USP31: variants seen among roughly 807,000 people sequenced by gnomAD.
USP31 encodes ubiquitin carboxyl-terminal hydrolase 31.
A neutral mutation model predicts 119.4 loss-of-function variants in USP31; 44 were observed. The observed-to-expected ratio is 0.37, with a 90% CI of 0.29 to 0.47. USP31 has a LOEUF of 0.47. Ranked by LOEUF, USP31 falls within the 20% of genes least tolerant of loss-of-function variation. The pLI is 0.99. For synonymous variants in USP31, 749 were observed against 705.6 expected (o/e 1.06, Z -0.97); for missense variants, 1,643 against 1,730.2 (o/e 0.95, Z 0.89).
chr16:23,107,117 A>C (rs1902141640), intron 2 of USP31, among the ~76,000 whole-genome samples: 1 of 152,070 alleles, frequency 6.6e-6, no homozygotes, highest in Non-Finnish European at 1.5e-5. Flanking sequence ...CGTCTCAAAA[A>C]AAAAAAAAAA....
rs773583110 is a variant in USP31 at position 23,073,792 on chromosome 16, C to T, written c.2265G>A (p.Gln755=). 1.9e-6 allele frequency: 3 copies of T among 1,614,152 alleles called. No homozygotes were observed. The South Asian group carries it at 3.3e-5, about 18-fold the overall frequency. ...TCTGGTAGAAGAGGATGTATGCTGT[C>T]TGCGTGCAGACCTCATCTTCTGACA... The part of the protein sequence containing the change: ...QQLSEDEVCT[Q]TAYILFYQRR... Residue 755 remains glutamine (Q), a synonymous_variant, in exon 14 of 16, where the codon CAG becomes CAA. Coordinates refer to ENST00000219689, the MANE Select transcript of USP31 (RefSeq NM_020718.4).
rs1297366955 is a variant in USP31 at position 23,068,344 on chromosome 16, G to T, written c.3761C>A (p.Ala1254Asp). The T allele has an allele frequency of 6.2e-7, 1 of 1,614,098 alleles. No homozygotes were observed. Among genetic ancestry groups the T allele is most frequent in the Non-Finnish European group, 8.5e-7 (1 of 1,180,050 alleles). The change falls in exon 16 of 16, where the codon GCT becomes GAT. Residue 1254 changes from alanine (A) to aspartate (D), a missense_variant. Around this residue, in one of 5 missense-constraint regions of USP31, gnomAD observed 699 missense variants for 650.9 expected, o/e 1.07. Coordinates refer to ENST00000219689, the MANE Select transcript of USP31 (RefSeq NM_020718.4). ...GACAGACTTAACAGAGCTCCCACCAGCCTTTTTAGAGAGCAAGGCTGTCTT... is the reference window on the plus strand; with the variant it reads ...GACAGACTTAACAGAGCTCCCACCATCCTTTTTAGAGAGCAAGGCTGTCTT... ...LGKTALLSKK[A>D]GGSSVKSVCK...
chr16:23,104,920 A>T (rs1382264960), intron 5 of USP31, among the ~76,000 whole-genome samples: 1 of 152,242 alleles, frequency 6.6e-6, no homozygotes, highest in Non-Finnish European at 1.5e-5. Context: ...CGGCATGGGC[A>T]CAACTTTCCT....
At chr16:23,081,714 C>G (rs1900836075) in intron 12 of USP31, among the ~76,000 whole-genome samples, 1 of 152,250 alleles carries the variant, frequency 6.6e-6, no homozygotes, top group Non-Finnish European at 1.5e-5. Flanking sequence ...CCCACGTCTT[C>G]CATCAACTCC....
rs1358504948 is a variant in USP31 at position 23,068,351 on chromosome 16, T to C, written c.3754A>G (p.Lys1252Glu). The C allele has an allele frequency of 6.2e-7, 1 of 1,614,090 alleles. No individual in the cohort carries two copies. Among genetic ancestry groups the C allele is most frequent in the Non-Finnish European group, 8.5e-7 (1 of 1,180,044 alleles). The change falls in exon 16 of 16, where the codon AAA (lysine) becomes GAA (glutamate). Residue 1252 changes from lysine to glutamate, a missense_variant. Physicochemically the swap from Lys to Glu is moderately conservative, Grantham distance 56. Transcript: ENST00000219689. Reference protein sequence around the residue: ...TDLGKTALLSKKAGGSSVKSV... With the variant: ...TDLGKTALLSEKAGGSSVKSV... ...TTAACAGAGCTCCCACCAGCCTTTT[T>C]AGAGAGCAAGGCTGTCTTGCCAAGA...
intron 8 of USP31, 81 bp from the exon 9 acceptor site, chr16:23,087,267 T>C: frequency 7.9e-7 from 1 of 1,258,702 alleles, no homozygotes; most frequent in Non-Finnish European, 1.1e-6. Context: ...CAAAACAGAT[T>C]AGAGTTACAG....
chr16:23,131,974 A>G (rs1195253058), intron 1 of USP31, among the ~76,000 whole-genome samples: 1 of 152,206 alleles, frequency 6.6e-6, no homozygotes, highest in Non-Finnish European at 1.5e-5. Context: ...AATCTTCTAA[A>G]GCGTCAACTG....
chr16:23,094,176 G>A lies in USP31; in HGVS notation c.1235-3372C>T, dbSNP rs111626233. ...TGCTTTTCCCAAGGTCTCAGCAACC[G>A]GCAGACAAGGAGATTCTCTCCCATG... On this transcript the variant is annotated intron_variant, in intron 6 of 15. Coordinates refer to ENST00000219689, the MANE Select transcript of USP31 (RefSeq NM_020718.4). 8.0e-3 allele frequency among the ~76,000 whole-genome samples: 1,214 copies of A among 152,174 alleles called. 12 individuals are homozygous for A. Among genetic ancestry groups the A allele is most frequent in the African/African-American group, 0.026 (1,096 of 41,510 alleles).
chr16:23,095,197 C>T (rs1901548214), intron 6 of USP31, among the ~76,000 whole-genome samples: 1 of 152,134 alleles, frequency 6.6e-6, no homozygotes, highest in Non-Finnish European at 1.5e-5. Flanking sequence ...CTTTGTGATG[C>T]ACGCACAAGC....
chr16:23,082,542 C>T lies in USP31; in HGVS notation c.1846G>A (p.Ala616Thr). ...TGCTTACAGTGTGGGCAACGCCAGG[C>T]ATCATCGGGGGCAAGCTGAAAACAG... Reference protein sequence around the residue: ...TKEERLAPDDAWRCPHCKQLQ... With the variant: ...TKEERLAPDDTWRCPHCKQLQ... Residue 616 changes from alanine (A) to threonine (T), a missense_variant, in exon 12 of 16, where the codon GCC becomes ACC. By Grantham distance (58) the Ala-to-Thr change is moderately conservative. This residue lies in a region of USP31 where 279 missense variants were observed against 372.2 expected (regional missense o/e 0.75). Coordinates refer to ENST00000219689, the MANE Select transcript of USP31 (RefSeq NM_020718.4). The T allele has an allele frequency of 6.2e-7, 1 of 1,614,156 alleles. No individual in the cohort carries two copies. Among genetic ancestry groups the T allele is most frequent in the Non-Finnish European group, 8.5e-7 (1 of 1,180,028 alleles).
Position 23,067,915 on chromosome 16 carries a change from A to ACT in USP31, c.*130_*131insAG. 2.3e-6 allele frequency: 2 copies of ACT among 860,244 alleles called. No individual in the cohort carries two copies. The highest frequency in any genetic ancestry group is 3.3e-6 in the Non-Finnish European group (2 of 611,006). 53.3% of individuals were successfully genotyped at this position (860,244 alleles called of 1,614,324 possible). ...ATTAGACACACACACGCATACACTCACACACACACACACAGTCGGGCACGT... is the reference window on the plus strand; with the variant it reads ...ATTAGACACACACACGCATACACTCACTCACACACACACACAGTCGGGCACGT... On this transcript the variant is annotated 3_prime_UTR_variant, in exon 16 of 16. Coordinates refer to ENST00000219689, the MANE Select transcript of USP31 (RefSeq NM_020718.4).
chr16:23,069,372 G>GC lies in USP31; in HGVS notation c.2732dup (p.Cys911TrpfsTer4). ...TAGAAAGGTTCCGCAAGCTACCAAA[G>GC]CAAGAGATGGAGACCTTGTCATCTG... On this transcript the variant is annotated frameshift_variant, in exon 16 of 16. Coordinates refer to ENST00000219689, the MANE Select transcript of USP31 (RefSeq NM_020718.4). LOFTEE classifies it high-confidence loss of function. 1 of 1,607,828 alleles carries GC rather than the reference G, an allele frequency of 6.2e-7. No individual in the cohort carries two copies. The highest frequency in any genetic ancestry group is 8.5e-7 in the Non-Finnish European group (1 of 1,175,364).
In USP31 at chr16:23,063,799, G is replaced by A. The variant is rs967033701; in HGVS notation, c.*4247C>T. The A allele has an allele frequency of 2.9e-4, 44 of 151,686 alleles. No homozygotes were observed. Among genetic ancestry groups the A allele is most frequent in the African/African-American group, 1.1e-3 (44 of 41,304 alleles). 9.4% of individuals were successfully genotyped at this position (151,686 alleles called of 1,614,324 possible). A position where few individuals can be genotyped will look rare whatever the true frequency, so the allele number is the denominator to read the frequency against. On this transcript the variant is annotated 3_prime_UTR_variant, in exon 16 of 16. Coordinates refer to ENST00000219689, the MANE Select transcript of USP31 (RefSeq NM_020718.4). ...TATTGTTTGCTTGCATAGGTAGTAAGAGCATGCTTTCTGAGTTATATGGAG... is the reference window on the plus strand; with the variant it reads ...TATTGTTTGCTTGCATAGGTAGTAAAAGCATGCTTTCTGAGTTATATGGAG...
chr16:23,106,707 T>C (rs1415542260), intron 2 of USP31, among the ~76,000 whole-genome samples: 1 of 152,188 alleles, frequency 6.6e-6, no homozygotes, highest in Non-Finnish European at 1.5e-5. Context: ...CAATCGTCTC[T>C]GCACAGCACT....
intron 6 of USP31, among the ~76,000 whole-genome samples, chr16:23,096,261 T>C (rs1901603472): frequency 6.6e-6 from 1 of 152,202 alleles, no homozygotes; most frequent in African/African-American, 2.4e-5. Flanking sequence ...CATTACATAA[T>C]GGTATAGGGA....
intron 7 of USP31, 124 bp downstream of exon 7, chr16:23,090,500 C>G (rs1473509232): frequency 1.7e-5 from 18 of 1,038,734 alleles, no homozygotes; most frequent in Non-Finnish European, 2.1e-5. Context: ...TGTATTCTTT[C>G]TAAATATCAG....
At chr16:23,105,363 G>C in intron 5 of USP31, 78 bp downstream of exon 5, 1 of 1,425,704 alleles carries the variant, frequency 7.0e-7, no homozygotes, top group Non-Finnish European at 9.3e-7. Context: ...ACTTGGCAAA[G>C]AACTGTAAAA....
intron 6 of USP31, among the ~76,000 whole-genome samples, chr16:23,098,487 T>C (rs986744570): frequency 3.3e-5 from 5 of 152,094 alleles, no homozygotes; most frequent in African/African-American, 1.2e-4. Flanking sequence ...AAAGTTCATA[T>C]GGAACCAAAA....
chr16:23,145,025 C>T (rs1194718730), intron 1 of USP31, among the ~76,000 whole-genome samples: 1 of 152,224 alleles, frequency 6.6e-6, no homozygotes, highest in East Asian at 1.9e-4. Flanking sequence ...CACTCTTCTC[C>T]CAGGCTTCCT....
Sources: gnomAD v4.1 joint callset for allele counts (sites outside exome capture counted in the v4.1 genomes callset) on GRCh38, gnomAD v4.1.1 for gene constraint, gnomAD v4.1.1 regional missense constraint, MANE v1.5 for transcripts, NCBI Gene and HGNC (gene_info 2026-07-23, HGNC 2026-07-21) for gene names.